Variants in C8orf34 observed in about 807,000 individuals in gnomAD.
The protein encoded by C8orf34 is chromosome 8 open reading frame 34.
A neutral mutation model predicts 68.3 loss-of-function variants in C8orf34; 65 were observed. That is an observed-to-expected ratio of 0.95 (90% CI 0.78 to 1.17). C8orf34 has a LOEUF of 1.17. Ranked by LOEUF, C8orf34 falls within the 50% of genes most tolerant of loss-of-function variation. C8orf34 has a pLI of 0.00. For missense variants in C8orf34, 664 were observed against 655.4 expected, an observed-to-expected ratio of 1.01 and a Z score of -0.14; for synonymous variants, 244 against 241.2, an observed-to-expected ratio of 1.01 and a Z score of -0.11.
At chr8:68,577,748 T>C (rs1244815931) in intron 7 of C8orf34, among the ~76,000 whole-genome samples, 1 of 151,948 alleles carries the variant, frequency 6.6e-6, no homozygotes, top group African/African-American at 2.4e-5. Flanking sequence ...ATGTAGGCTA[T>C]TAAAATGAAA....
intron 2 of C8orf34, among the ~76,000 whole-genome samples, chr8:68,441,524 G>A (rs1019562454): frequency 3.3e-5 from 5 of 151,634 alleles, no homozygotes; most frequent in Non-Finnish European, 7.4e-5. Flanking sequence ...ATGGAGTTGG[G>A]GTCTAGCTCT....
intron 10 of C8orf34, among the ~76,000 whole-genome samples, chr8:68,740,540 C>A (rs1196631700): frequency 6.6e-6 from 1 of 152,016 alleles, no homozygotes; most frequent in African/African-American, 2.4e-5. Context: ...CAATGAGATA[C>A]CATCTCACAC....
intron 3 of C8orf34, among the ~76,000 whole-genome samples, chr8:68,448,376 T>C (rs1811208057): frequency 6.6e-6 from 1 of 152,122 alleles, no homozygotes; most frequent in Non-Finnish European, 1.5e-5. Context: ...TATGTAGAAT[T>C]AATATATATG....
intron 12 of C8orf34, among the ~76,000 whole-genome samples, chr8:68,803,715 C>T (rs773944521): frequency 1.3e-5 from 2 of 151,900 alleles, no homozygotes; most frequent in South Asian, 2.1e-4. Flanking sequence ...CAAGTAAATG[C>T]GTACATATAA....
At chr8:68,781,003 C>T (rs1239102405) in intron 11 of C8orf34, among the ~76,000 whole-genome samples, 1 of 152,068 alleles carries the variant, frequency 6.6e-6, no homozygotes, top group East Asian at 1.9e-4. Flanking sequence ...TCTTATTTTA[C>T]AGGGATTCCA....
chr8:68,679,978 A>G, intron 8 of C8orf34, among the ~76,000 whole-genome samples: 1 of 152,174 alleles, frequency 6.6e-6, no homozygotes, highest in Non-Finnish European at 1.5e-5. Context: ...TAAAACTACT[A>G]AAACATTAGG....
In C8orf34 at chr8:68,663,501, C is replaced by T. The variant is rs16934874; in HGVS notation, c.1241+22990C>T. On this transcript the variant is annotated intron_variant, in intron 8 of 13. Coordinates refer to ENST00000518698, the MANE Select transcript of C8orf34 (RefSeq NM_052958.4). Reference sequence around the variant, plus strand: ...TCCCGGAGAAAAAATCCAGTGGAGTCCACCAGTTACATTCAATATCATGTC... The same window carrying T: ...TCCCGGAGAAAAAATCCAGTGGAGTTCACCAGTTACATTCAATATCATGTC... Among the ~76,000 whole-genome samples, 825 of 152,232 alleles carry T rather than the reference C, an allele frequency of 5.4e-3. 9 individuals carry two copies. Among genetic ancestry groups the T allele is most frequent in the African/African-American group, 0.019 (786 of 41,528 alleles).
At chr8:68,560,302 T>C (rs1324408068) in intron 7 of C8orf34, among the ~76,000 whole-genome samples, 1 of 151,176 alleles carries the variant, frequency 6.6e-6, no homozygotes, top group Non-Finnish European at 1.5e-5. Context: ...ATTGTTCACT[T>C]AGTTTCATAT....
intron 5 of C8orf34, among the ~76,000 whole-genome samples, chr8:68,496,946 G>A (rs185444574): frequency 5.1e-4 from 77 of 152,184 alleles, no homozygotes; most frequent in African/African-American, 1.5e-3. Flanking sequence ...TATGTTGGTC[G>A]TATGTTTGAT....
chr8:68,570,467 C>G (rs976827412), intron 7 of C8orf34, among the ~76,000 whole-genome samples: 1 of 152,170 alleles, frequency 6.6e-6, no homozygotes, highest in African/African-American at 2.4e-5. Flanking sequence ...TAGAAAGGCA[C>G]TCCTTATGCT....
intron 9 of C8orf34, among the ~76,000 whole-genome samples, chr8:68,710,520 C>T (rs997132014): frequency 6.6e-6 from 1 of 152,118 alleles, no homozygotes; most frequent in Non-Finnish European, 1.5e-5. Flanking sequence ...TCCCCCACTT[C>T]CTTGGCGACC....
chr8:68,412,185 C>T (rs1448146234), intron 1 of C8orf34, among the ~76,000 whole-genome samples: 1 of 152,062 alleles, frequency 6.6e-6, no homozygotes, highest in African/African-American at 2.4e-5. Context: ...TTTATAGTAG[C>T]CGGAACAGAC....
chr8:68,731,041 C>T (rs945962413), intron 10 of C8orf34, among the ~76,000 whole-genome samples: 1 of 152,120 alleles, frequency 6.6e-6, no homozygotes, highest in Non-Finnish European at 1.5e-5. Flanking sequence ...GTTTGTGTTT[C>T]GAGGTAAAGC....
At chr8:68,348,661 G>A (rs1337602481) in intron 1 of C8orf34, among the ~76,000 whole-genome samples, 6 of 151,646 alleles carry the variant, frequency 4.0e-5, no homozygotes, top group Non-Finnish European at 7.4e-5. Flanking sequence ...TGTAATGCTT[G>A]TTGCAGAGAT....
chr8:68,420,085 A>C (rs1446952823), intron 1 of C8orf34, among the ~76,000 whole-genome samples: 1 of 151,462 alleles, frequency 6.6e-6, no homozygotes, highest in Non-Finnish European at 1.5e-5. Context: ...GATCCAGGAG[A>C]AGATAGAAAT....
chr8:68,358,718 T>G (rs1009739948), intron 1 of C8orf34, among the ~76,000 whole-genome samples: 1 of 151,900 alleles, frequency 6.6e-6, no homozygotes, highest in Non-Finnish European at 1.5e-5. Context: ...TATTTATTTT[T>G]TTTTTGAGAC....
intron 1 of C8orf34, among the ~76,000 whole-genome samples, chr8:68,377,601 C>T (rs138572918): frequency 6.6e-6 from 1 of 152,062 alleles, no homozygotes; most frequent in African/African-American, 2.4e-5. Context: ...GGACAATATC[C>T]TATATTAAAT....
chr8:68,692,593 A>C (rs1392436109), intron 8 of C8orf34, among the ~76,000 whole-genome samples: 1 of 152,090 alleles, frequency 6.6e-6, no homozygotes, highest in African/African-American at 2.4e-5. Context: ...GGGAAAAAAA[A>C]CTTACGGAAA....
chr8:68,450,686 C>A (rs1471067904), intron 3 of C8orf34, among the ~76,000 whole-genome samples: 1 of 152,086 alleles, frequency 6.6e-6, no homozygotes, highest in Non-Finnish European at 1.5e-5. Context: ...AGCAGTAGGT[C>A]TCAAGATCGG....
Sources: allele counts gnomAD v4.1 joint callset (sites outside exome capture counted in the v4.1 genomes callset), GRCh38; gene constraint gnomAD v4.1.1; transcripts MANE v1.5; gene names NCBI Gene and HGNC (gene_info 2026-07-23, HGNC 2026-07-21).